MAML1: variants seen among roughly 807,000 people sequenced by gnomAD.
MAML1 encodes the protein mastermind like transcriptional coactivator 1.
Under a neutral mutation model 77.1 loss-of-function variants are expected in MAML1, and 14 were observed. The observed-to-expected ratio is 0.18, with a 90% CI of 0.12 to 0.28. The LOEUF (loss-of-function observed/expected upper bound fraction) is 0.28. MAML1 is among the 10% of genes least tolerant of loss of function. MAML1 has a pLI of 1.00. For missense variants in MAML1, 1,217 were observed against 1,327.8 expected, an observed-to-expected ratio of 0.92 and a Z score of 1.30; for synonymous variants, 516 against 551.9, an observed-to-expected ratio of 0.93 and a Z score of 0.91.
rs1181730039 is a variant in MAML1, at chr5:179,765,689, A to C, written c.679A>C (p.Met227Leu). The stretch of plus-strand genomic sequence containing the variant: ...GGAGCCTGTCGAAGACCTGCCTTGC[A>C]TGATCACTGGGACTGTCGGCTCCAT... ...KQEPVEDLPC[M>L]ITGTVGSISQ... The change falls in exon 2 of 5, where the codon ATG becomes CTG. Residue 227 changes from methionine to leucine, a missense_variant. Physicochemically the swap from Met to Leu is conservative, Grantham distance 15. This residue lies in a region of MAML1 where 312 missense variants were observed against 331.4 expected (regional missense o/e 0.94). Coordinates refer to ENST00000292599, the MANE Select transcript of MAML1 (RefSeq NM_014757.5). The C allele has an allele frequency of 2.5e-6, 4 of 1,614,208 alleles. No homozygotes were observed. Among genetic ancestry groups the C allele is most frequent in the Non-Finnish European group, 3.4e-6 (4 of 1,180,018 alleles).
chr5:179,734,560 T>C, intron 1 of MAML1, among the ~76,000 whole-genome samples: 1 of 152,206 alleles, frequency 6.6e-6, no homozygotes, highest in East Asian at 1.9e-4. Context: ...TCATTGCTTA[T>C]TGTATCAACT....
At position 179,771,906 on chromosome 5, in the gene MAML1, C is replaced by A. The variant is rs1755997814; in HGVS notation, c.2068+663C>A. The stretch of plus-strand genomic sequence containing the variant: ...ATTTGGGACCTTGCTATAAAGGGTC[C>A]CAGAGAGACTGACCACAGCTGTGTG... On this transcript the variant is annotated intron_variant, in intron 4 of 4. Coordinates refer to ENST00000292599, the MANE Select transcript of MAML1 (RefSeq NM_014757.5). This position sits in a 1 kb window ranked among gnomAD's most constrained non-coding sequence, Gnocchi z 4.7. Among the ~76,000 whole-genome samples the A allele has an allele frequency of 6.6e-6, 1 of 152,062 alleles. No homozygotes were observed. The highest frequency in any genetic ancestry group is 1.5e-5 in the Non-Finnish European group (1 of 68,022).
Position 179,774,106 on chromosome 5 carries a change from T to G in MAML1, c.2280T>G (p.Ala760=). The change falls in exon 5 of 5, where the codon GCT becomes GCG. Residue 760 remains alanine (A), a synonymous_variant. Coordinates refer to ENST00000292599, the MANE Select transcript of MAML1 (RefSeq NM_014757.5). ...CTCAGAGCAGCCTCTATGGCATGGC[T>G]TCTGGCATAACCCAGATAGTTGCCC... ...NMPQSSLYGM[A]SGITQIVAQP... 6.2e-7 allele frequency: 1 copy of G among 1,613,832 alleles called. No homozygotes were observed. The highest frequency in any genetic ancestry group is 1.1e-5 in the South Asian group (1 of 91,088).
rs1316629234 is a variant in MAML1 at position 179,769,898 on chromosome 5, G to A, written c.1971+809G>A. On this transcript the variant is annotated intron_variant, in intron 3 of 4. Transcript: ENST00000292599. This position sits in a 1 kb window ranked among gnomAD's most constrained non-coding sequence, Gnocchi z 4.2. ...ATAAGAACTGGCTCCAGACAGTGAG[G>A]TTCATTGAGGACAATCCCTGCCTCA... 1.3e-5 allele frequency among the ~76,000 whole-genome samples: 2 copies of A among 152,244 alleles called. No individual in the cohort carries two copies. The highest frequency in any genetic ancestry group is 3.9e-4 in the East Asian group (2 of 5,174).
rs1275053712 is a variant in MAML1, at chr5:179,766,702, A to G, written c.1692A>G (p.Pro564=). The G allele has an allele frequency of 2.5e-6, 4 of 1,580,230 alleles. No individual in the cohort carries two copies. In the Admixed American group the frequency reaches 7.4e-5, roughly 29 times the overall value. ...QNSLFLMKPK[P]GNMPFRSLVP... ...CCCTGTTTCTGATGAAGCCAAAGCC[A>G]GGAAATATGCCTTTCCGATCACTGG... The change falls in exon 2 of 5, where the codon CCA becomes CCG. Residue 564 remains proline, a synonymous_variant. Coordinates refer to ENST00000292599, the MANE Select transcript of MAML1 (RefSeq NM_014757.5). The surrounding 1 kb of genome is among the most constrained non-coding windows in gnomAD (Gnocchi z 4.0).
intron 1 of MAML1, among the ~76,000 whole-genome samples, chr5:179,746,403 G>A (rs960621412): frequency 4.6e-5 from 7 of 151,918 alleles, no homozygotes; most frequent in African/African-American, 7.3e-5. Flanking sequence ...AGACAGTTTC[G>A]CTCTTGTTGC....
intron 1 of MAML1, among the ~76,000 whole-genome samples, chr5:179,757,327 G>A (rs985507585): frequency 7.9e-5 from 12 of 152,162 alleles, no homozygotes; most frequent in African/African-American, 2.6e-4. Flanking sequence ...CAGCACTTTG[G>A]GAGGCCAAGG....
At position 179,733,087 on chromosome 5, in the gene MAML1, G is replaced by C; in HGVS notation, c.-26G>C. The C allele has an allele frequency of 5.3e-6, 7 of 1,331,208 alleles. No homozygotes were observed. Among genetic ancestry groups the C allele is most frequent in the Non-Finnish European group, 6.7e-6 (7 of 1,041,378 alleles). The allele number at this position is 1,331,208 out of a possible 1,614,324, so 82.5% of individuals were successfully genotyped here. On this transcript the variant is annotated 5_prime_UTR_variant, in exon 1 of 5. Transcript: ENST00000292599. ...GCCGGCCCCGAGAGGCCCGGCCCCGGGCCCGGCCCGTGCAGCCCGCGGCCC... is the reference window on the plus strand; with the variant it reads ...GCCGGCCCCGAGAGGCCCGGCCCCGCGCCCGGCCCGTGCAGCCCGCGGCCC...
At chr5:179,765,062 C>T (rs771456066) in intron 1 of MAML1, among the ~76,000 whole-genome samples, 16 of 151,464 alleles carry the variant, frequency 1.1e-4, no homozygotes, top group African/African-American at 4.9e-5. Flanking sequence ...TTGGGCATAC[C>T]GCCAGACGAG....
chr5:179,759,019 AT>A (rs1206458554), intron 1 of MAML1, among the ~76,000 whole-genome samples: 2 of 151,930 alleles, frequency 1.3e-5, no homozygotes, highest in East Asian at 3.9e-4. Flanking sequence ...AATTACAAAG[AT>A]TGTTTGTGGC....
rs1023078023 is a variant in MAML1, at chr5:179,733,084, C to G, written c.-29C>G. 27 of 1,281,388 alleles carry G rather than the reference C, an allele frequency of 2.1e-5. No homozygotes were observed. The highest frequency in any genetic ancestry group is 2.7e-5 in the Non-Finnish European group (27 of 1,013,968). 79.4% of individuals were successfully genotyped at this position (1,281,388 alleles called of 1,614,324 possible). A position where few individuals can be genotyped will look rare whatever the true frequency, so the allele number is the denominator to read the frequency against. On this transcript the variant is annotated 5_prime_UTR_variant, in exon 1 of 5. Coordinates refer to ENST00000292599, the MANE Select transcript of MAML1 (RefSeq NM_014757.5). Reference sequence around the variant, plus strand: ...CCAGCCGGCCCCGAGAGGCCCGGCCCCGGGCCCGGCCCGTGCAGCCCGCGG... The same window carrying G: ...CCAGCCGGCCCCGAGAGGCCCGGCCGCGGGCCCGGCCCGTGCAGCCCGCGG...
rs762585296 is a variant in MAML1 at position 179,774,203 on chromosome 5, G to A, written c.2377G>A (p.Val793Ile). ...GACCAACGTGGGCCAGAACACCTCC[G>A]TCTCAGCTGCCTATGGGCAGAACTC... Reference protein sequence around the residue: ...RQTNVGQNTSVSAAYGQNSLG... With the variant: ...RQTNVGQNTSISAAYGQNSLG... Residue 793 changes from valine (V) to isoleucine (I), a missense_variant, in exon 5 of 5, where the codon GTC becomes ATC. By Grantham distance (29) the Val-to-Ile change is conservative. Coordinates refer to ENST00000292599, the MANE Select transcript of MAML1 (RefSeq NM_014757.5). 33 of 1,613,182 alleles carry A rather than the reference G, an allele frequency of 2.0e-5. 1 individual carries two copies. The Admixed American group carries it at 3.2e-4, about 15-fold the overall frequency.
At chr5:179,743,597 C>A (rs1481247533) in intron 1 of MAML1, among the ~76,000 whole-genome samples, 1 of 150,952 alleles carries the variant, frequency 6.6e-6, no homozygotes, top group East Asian at 2.0e-4. Flanking sequence ...GATCTCCTAA[C>A]CTTGCGATCC....
In MAML1 at chr5:179,733,531, G is replaced by C. The variant is rs1779111443; in HGVS notation, c.315+104G>C. The C allele has an allele frequency of 1.7e-5, 15 of 888,318 alleles. 1 individual carries two copies. Among genetic ancestry groups the C allele is most frequent in the Non-Finnish European group, 2.0e-5 (15 of 733,746 alleles). The allele number at this position is 888,318 out of a possible 1,614,324, so 55.0% of individuals were successfully genotyped here. A position where few individuals can be genotyped will look rare whatever the true frequency, so the allele number is the denominator to read the frequency against. Reference sequence around the variant, plus strand: ...CGCTGGGAGACTTCCCCAGGCGTCCGCGACTCCTGGATCTGGCTGGAGAGA... The same window carrying C: ...CGCTGGGAGACTTCCCCAGGCGTCCCCGACTCCTGGATCTGGCTGGAGAGA... On this transcript the variant is annotated intron_variant, in intron 1 of 4. Transcript: ENST00000292599.
Position 179,774,624 on chromosome 5 carries a change from C to T in MAML1, c.2798C>T (p.Pro933Leu). The T allele has an allele frequency of 6.2e-7, 1 of 1,611,808 alleles. No individual in the cohort carries two copies. Among genetic ancestry groups the T allele is most frequent in the Non-Finnish European group, 8.5e-7 (1 of 1,179,578 alleles). ...APQQGLPGLSPAGPELGAFSQ... is the reference protein window; with the variant it reads ...APQQGLPGLSLAGPELGAFSQ... ...CAGCAGGGCTTGCCTGGCCTGAGCC[C>T]AGCAGGGCCTGAGCTGGGGGCCTTC... Residue 933 changes from proline (P) to leucine (L), a missense_variant, in exon 5 of 5, where the codon CCA becomes CTA. Pro to Leu is a moderately conservative substitution (Grantham distance 98, BLOSUM62 -3). Around this residue, in one of 3 missense-constraint regions of MAML1, gnomAD observed 884 missense variants for 949.3 expected, o/e 0.93. Transcript: ENST00000292599.
chr5:179,739,713 A>G (rs2113334720), intron 1 of MAML1, among the ~76,000 whole-genome samples: 1 of 152,314 alleles, frequency 6.6e-6, no homozygotes, highest in South Asian at 2.1e-4. Context: ...AAATATGACA[A>G]CATTTACATA....
At chr5:179,750,732 G>C (rs1562556649) in intron 1 of MAML1, among the ~76,000 whole-genome samples, 1 of 152,188 alleles carries the variant, frequency 6.6e-6, no homozygotes, top group Non-Finnish European at 1.5e-5. Flanking sequence ...AAAGTGCTGG[G>C]ATTACAGGCC....
At chr5:179,742,369 A>G (rs1231823722) in intron 1 of MAML1, among the ~76,000 whole-genome samples, 1 of 151,684 alleles carries the variant, frequency 6.6e-6, no homozygotes, top group Non-Finnish European at 1.5e-5. Flanking sequence ...CGTGCCTGTA[A>G]TCCCAGCTAC....
chr5:179,733,224 G>T lies in MAML1; in HGVS notation c.112G>T (p.Glu38Ter). ...ELCRRHHSTCEARYEAVSPER... is the reference protein window; with the variant it reads ...ELCRRHHSTC Reference sequence around the variant, plus strand: ...GTGCCGGCGCCACCACAGCACCTGCGAGGCCCGCTACGAGGCCGTGTCGCC... The same window carrying T: ...GTGCCGGCGCCACCACAGCACCTGCTAGGCCCGCTACGAGGCCGTGTCGCC... Residue 38 changes from glutamate to a stop codon, truncating the protein, a stop_gained, in exon 1 of 5, where the codon GAG (glutamate) becomes TAG (stop). Coordinates refer to ENST00000292599, the MANE Select transcript of MAML1 (RefSeq NM_014757.5). LOFTEE classifies it high-confidence loss of function. 1 of 1,479,240 alleles carries T rather than the reference G, an allele frequency of 6.8e-7. No individual in the cohort carries two copies. Among genetic ancestry groups the T allele is most frequent in the Non-Finnish European group, 8.9e-7 (1 of 1,118,496 alleles). 91.6% of individuals were successfully genotyped at this position (1,479,240 alleles called of 1,614,324 possible). A position where few individuals can be genotyped will look rare whatever the true frequency, so the allele number is the denominator to read the frequency against.
Sources: allele counts gnomAD v4.1 joint callset (sites outside exome capture counted in the v4.1 genomes callset), GRCh38; gene constraint gnomAD v4.1.1; regional missense constraint gnomAD v4.1.1; non-coding constraint Gnocchi (gnomAD v3.1); transcripts MANE v1.5; gene names NCBI Gene and HGNC (gene_info 2026-07-23, HGNC 2026-07-21).